HNF4A: variants seen among roughly 807,000 people sequenced by gnomAD.
HNF4A encodes the protein hepatocyte nuclear factor 4-alpha.
HNF4A carries 15 observed loss-of-function variants against 52.4 expected under a neutral mutation model. That is an observed-to-expected ratio of 0.29 (90% CI 0.19 to 0.44). HNF4A has a LOEUF of 0.44. Ranked by LOEUF, HNF4A falls within the 20% of genes least tolerant of loss-of-function variation. The pLI is 1.00. For synonymous variants in HNF4A, 280 were observed against 264.4 expected (o/e 1.06, Z -0.57); for missense variants, 479 against 647.2 (o/e 0.74, Z 2.82).
chr20:44,403,245 G>GA (rs1231598541), intron 1 of HNF4A, among the ~76,000 whole-genome samples: 1 of 152,190 alleles, frequency 6.6e-6, no homozygotes, highest in Non-Finnish European at 1.5e-5. Flanking sequence ...TCCAGCTCTG[G>GA]AACCAGAAAG....
chr20:44,393,521 G>A (rs749574283), intron 1 of HNF4A, among the ~76,000 whole-genome samples: 4 of 152,228 alleles, frequency 2.6e-5, no homozygotes, highest in Non-Finnish European at 4.4e-5. Flanking sequence ...GAGACAGACT[G>A]CCCAAGTTCC....
chr20:44,424,011 A>G lies in HNF4A; in HGVS notation c.893-7A>G, dbSNP rs866144686. On this transcript the variant is annotated splice_region_variant and splice_polypyrimidine_tract_variant and intron_variant, in intron 7 of 9. Coordinates refer to ENST00000316099, the MANE Select transcript of HNF4A (RefSeq NM_000457.6). ...TGCCCTCCCTTGCCCACCCTCTTCC[A>G]TTGTAGATGCCAAGGGGCTGAGCGA... 20 of 1,610,980 alleles carry G rather than the reference A, an allele frequency of 1.2e-5. 1 individual carries two copies. The Middle Eastern group carries it at 3.1e-3, about 253-fold the overall frequency.
chr20:44,418,307 G>A (rs1168752906), intron 5 of HNF4A, 118 bp from the exon 6 acceptor site: 1 of 812,736 alleles, frequency 1.2e-6, no homozygotes, highest in African/African-American at 1.7e-5. Context: ...CCATTTCACA[G>A]TTCAGGCAGG....
chr20:44,412,081 G>GAA (rs1411794362), intron 3 of HNF4A, among the ~76,000 whole-genome samples: 22 of 151,768 alleles, frequency 1.4e-4, no homozygotes, highest in Non-Finnish European at 4.4e-5. Flanking sequence ...AAAAGAATTA[G>GAA]AGCTTGTCTC....
chr20:44,368,649 T>A (rs2062998616), intron 1 of HNF4A, among the ~76,000 whole-genome samples: 1 of 152,122 alleles, frequency 6.6e-6, no homozygotes, highest in South Asian at 2.1e-4. Flanking sequence ...TGCAAAAAGT[T>A]CCTTGAATGT....
intron 8 of HNF4A, among the ~76,000 whole-genome samples, chr20:44,426,033 A>G: frequency 6.6e-6 from 1 of 152,152 alleles, no homozygotes; most frequent in East Asian, 1.9e-4. Context: ...TGAATGTATG[A>G]GTCTGTTGCT....
intron 7 of HNF4A, among the ~76,000 whole-genome samples, chr20:44,423,717 G>A (rs757797073): frequency 1.3e-5 from 2 of 152,248 alleles, no homozygotes; most frequent in Admixed American, 6.5e-5. Flanking sequence ...TTCCCCGTGT[G>A]TAAGATGAGG....
chr20:44,419,596 G>A, intron 6 of HNF4A, 125 bp from the exon 7 acceptor site: 1 of 868,484 alleles, frequency 1.2e-6, no homozygotes, highest in Non-Finnish European at 1.9e-6. Flanking sequence ...TGAAATGGGA[G>A]TCACCATCCC....
chr20:44,361,044 C>T (rs2062911473), intron 1 of HNF4A, among the ~76,000 whole-genome samples: 1 of 152,142 alleles, frequency 6.6e-6, no homozygotes, highest in Admixed American at 6.6e-5. Flanking sequence ...TGTCCAATAT[C>T]AGGCTATGGC....
chr20:44,379,118 G>A (rs1019850903), intron 1 of HNF4A, among the ~76,000 whole-genome samples: 1 of 152,010 alleles, frequency 6.6e-6, no homozygotes, highest in Admixed American at 6.6e-5. Context: ...TGTAGCATGT[G>A]TCAGAATTTC....
At chr20:44,385,059 C>CTTTTTTTTTTTCTTTTTTTTTTT (rs2063204404) in intron 1 of HNF4A, among the ~76,000 whole-genome samples, 1 of 34,970 alleles carries the variant, frequency 2.9e-5, no homozygotes, top group African/African-American at 1.3e-4. Flanking sequence ...ACTCTGTGAT[C>CTTTTTTTTTTTCTTTTTTTTTTT]TTTTTTTTTT....
intron 1 of HNF4A, chr20:44,391,510 T>C (rs8115651): frequency 0.041 from 6,219 of 152,404 alleles, 319 homozygotes; most frequent in African/African-American, 0.12. Context: ...CCGGGCTTCA[T>C]GGAAGGCCGT....
At chr20:44,390,697 C>T (rs913750683) in intron 1 of HNF4A, 6 of 700,660 alleles carry the variant, frequency 8.6e-6, no homozygotes, top group Non-Finnish European at 1.6e-5. Context: ...CCTGACTCCA[C>T]ATCTGCCTGG....
At chr20:44,419,258 A>G (rs2063710266) in intron 6 of HNF4A, among the ~76,000 whole-genome samples, 1 of 152,210 alleles carries the variant, frequency 6.6e-6, no homozygotes, top group Admixed American at 6.5e-5. Flanking sequence ...TTTTAATATA[A>G]CAATGCTATG....
chr20:44,359,226 C>T (rs1406753185), intron 1 of HNF4A, among the ~76,000 whole-genome samples: 1 of 152,176 alleles, frequency 6.6e-6, no homozygotes, highest in East Asian at 1.9e-4. Flanking sequence ...TCAGCCAGAT[C>T]CCACTCTCTT....
chr20:44,390,655 C>T lies in HNF4A; in HGVS notation c.50-15403C>T, dbSNP rs1053493163. On this transcript the variant is annotated intron_variant, in intron 1 of 9. Transcript: ENST00000316673. Reference sequence around the variant, plus strand: ...CAGGAGGAGGATGTCGGACTGGGGCCAGGGCTTCCCCCAGGACCCACCAGG... The same window carrying T: ...CAGGAGGAGGATGTCGGACTGGGGCTAGGGCTTCCCCCAGGACCCACCAGG... 3 of 702,522 alleles carry T rather than the reference C, an allele frequency of 4.3e-6. No individual in the cohort carries two copies. The Admixed American group carries it at 6.0e-5, about 14-fold the overall frequency. The allele number at this position is 702,522 out of a possible 1,614,324, so 43.5% of individuals were successfully genotyped here. A position where few individuals can be genotyped will look rare whatever the true frequency, so the allele number is the denominator to read the frequency against.
At chr20:44,401,728 A>G (rs2063412607) in intron 1 of HNF4A, among the ~76,000 whole-genome samples, 1 of 152,228 alleles carries the variant, frequency 6.6e-6, no homozygotes, top group South Asian at 2.1e-4. Flanking sequence ...GATCCCGGCT[A>G]TTCCTCCCAG....
chr20:44,429,421 G>C (rs554437321), intron 9 of HNF4A, 102 bp from the exon 10 acceptor site: 2 of 1,257,856 alleles, frequency 1.6e-6, no homozygotes, highest in East Asian at 4.6e-5. Flanking sequence ...ATTAAGTCAA[G>C]GTGGGGCAGG....
chr20:44,364,519 G>A (rs2062951409), intron 1 of HNF4A, among the ~76,000 whole-genome samples: 1 of 151,796 alleles, frequency 6.6e-6, no homozygotes, highest in South Asian at 2.1e-4. Context: ...CACCCAGGCT[G>A]GAGTGCAGCG....
Sources: gnomAD v4.1 joint callset for allele counts (sites outside exome capture counted in the v4.1 genomes callset) on GRCh38, gnomAD v4.1.1 for gene constraint, MANE v1.5 for transcripts, NCBI Gene and HGNC (gene_info 2026-07-23, HGNC 2026-07-21) for gene names.